The following ITGAX variants were observed in gnomAD, a reference collection of about 807,000 sequenced individuals.
ITGAX encodes the protein integrin alpha-X.
In ITGAX, 99 loss-of-function variants were observed where a neutral mutation model predicts 140.2. That is an observed-to-expected ratio of 0.71 (90% CI 0.60 to 0.83). ITGAX has a LOEUF of 0.83. ITGAX is among the 40% of genes least tolerant of loss of function. ITGAX has a pLI of 0.00. For missense variants in ITGAX, 1,444 were observed against 1,482.0 expected, an observed-to-expected ratio of 0.97 and a Z score of 0.42; for synonymous variants, 631 against 600.4, an observed-to-expected ratio of 1.05 and a Z score of -0.75.
chr16:31,359,764 C>T lies in ITGAX; in HGVS notation c.495C>T (p.Arg165=). 1.2e-6 allele frequency: 2 copies of T among 1,614,164 alleles called. No homozygotes were observed. Among genetic ancestry groups the T allele is most frequent in the South Asian group, 1.1e-5 (1 of 91,086 alleles). The change falls in exon 6 of 30, where the codon CGC becomes CGT. Residue 165 remains arginine (R), a synonymous_variant. Transcript: ENST00000268296. The part of the protein sequence containing the change: ...LIDGSGSISS[R]NFATMMNFVR... ...ATGGCTCAGGCAGCATCTCCTCCCG[C>T]AACTTTGCCACGATGATGAACTTCG...
chr16:31,380,738 G>T (rs1267953672), intron 28 of ITGAX, 114 bp downstream of exon 28: 1 of 1,391,332 alleles, frequency 7.2e-7, no homozygotes, highest in East Asian at 2.3e-5. Context: ...AAGGCCTCTG[G>T]GCAGGATAGC....
chr16:31,380,829 G>C, intron 28 of ITGAX, 68 bp from the exon 29 acceptor site: 1 of 1,433,546 alleles, frequency 7.0e-7, no homozygotes, highest in South Asian at 1.2e-5. Flanking sequence ...TTAAAGGTTG[G>C]GGAGCCTGGG....
rs1045649872 is a variant in ITGAX at position 31,361,782 on chromosome 16, A to G, written c.1013-54A>G. The stretch of plus-strand genomic sequence containing the variant: ...TCTCCTAAAGCTGAAGTGTTCTTGG[A>G]CCTGGCAAAGCCCGTCTCCCTCCCT... On this transcript the variant is annotated intron_variant, in intron 9 of 29. Coordinates refer to ENST00000268296, the MANE Select transcript of ITGAX (RefSeq NM_000887.5). The G allele has an allele frequency of 1.1e-5, 17 of 1,572,996 alleles. No homozygotes were observed. The African/African-American group carries it at 2.2e-4, about 20-fold the overall frequency.
At chr16:31,368,483 G>A (rs1238501097) in intron 14 of ITGAX, among the ~76,000 whole-genome samples, 3 of 110,590 alleles carry the variant, frequency 2.7e-5, no homozygotes, top group African/African-American at 1.0e-4. Flanking sequence ...GGGCGACAGA[G>A]TGAAAGTGTG....
At chr16:31,373,937 C>CT (rs1184028617) in intron 20 of ITGAX, among the ~76,000 whole-genome samples, 1 of 152,172 alleles carries the variant, frequency 6.6e-6, no homozygotes, top group Non-Finnish European at 1.5e-5. Flanking sequence ...CCAATCCCTG[C>CT]TTTAAAATGC....
intron 2 of ITGAX, 24 bp from the exon 3 acceptor site, chr16:31,356,601 A>C (rs1174253861): frequency 6.5e-7 from 1 of 1,548,764 alleles, no homozygotes; most frequent in Non-Finnish European, 8.8e-7. Flanking sequence ...ACTCTTACCT[A>C]AAGTGTTCTT....
At position 31,363,185 on chromosome 16, in the gene ITGAX, T is replaced by C. The variant is rs1315915800; in HGVS notation, c.1521T>C (p.Asp507=). ...LPRGWRRWWC[D]AVLYGEQGHP... ...TGCAGTGGAGAAGGTGGTGGTGTGATGCTGTTCTCTACGGGGAGCAGGGCC... is the reference window on the plus strand; with the variant it reads ...TGCAGTGGAGAAGGTGGTGGTGTGACGCTGTTCTCTACGGGGAGCAGGGCC... The change falls in exon 14 of 30, where the codon GAT becomes GAC. Residue 507 remains aspartate, a synonymous_variant. Coordinates refer to ENST00000268296, the MANE Select transcript of ITGAX (RefSeq NM_000887.5). 4 of 1,611,378 alleles carry C rather than the reference T, an allele frequency of 2.5e-6. No individual in the cohort carries two copies. Among genetic ancestry groups the C allele is most frequent in the South Asian group, 1.1e-5 (1 of 90,964 alleles).
At chr16:31,379,461 G>A in intron 23 of ITGAX, 107 bp from the exon 24 acceptor site, 1 of 1,101,990 alleles carries the variant, frequency 9.1e-7, no homozygotes, top group Non-Finnish European at 1.3e-6. Context: ...CCTCATTCCA[G>A]GACATTCCAA....
chr16:31,374,075 G>A (rs1017548073), intron 20 of ITGAX, among the ~76,000 whole-genome samples: 7 of 152,128 alleles, frequency 4.6e-5, no homozygotes, highest in Admixed American at 6.5e-5. Flanking sequence ...GATCACCGGA[G>A]GTCAGGAGTT....
At position 31,373,371 on chromosome 16, in the gene ITGAX, G is replaced by T. The variant is rs200320669; in HGVS notation, c.2489G>T (p.Arg830Leu). Reference protein sequence around the residue: ...TFSHPAGLSYRYVAEGQKQGQ... With the variant: ...TFSHPAGLSYLYVAEGQKQGQ... ...TCCCACCCCGCAGGACTGTCCTACC[G>T]CTACGTGGCAGAGGGCCAGGTGCAC... Residue 830 changes from arginine (R) to leucine (L), a missense_variant, in exon 20 of 30, where the codon CGC (arginine) becomes CTC (leucine). Arg to Leu is a moderately radical substitution (Grantham distance 102). Coordinates refer to ENST00000268296, the MANE Select transcript of ITGAX (RefSeq NM_000887.5). 1.9e-6 allele frequency: 3 copies of T among 1,612,028 alleles called. No individual in the cohort carries two copies. The highest frequency in any genetic ancestry group is 2.5e-6 in the Non-Finnish European group (3 of 1,179,392).
rs1328708862 is a variant in ITGAX, at chr16:31,372,525, G to C, written c.2292+16G>C. On this transcript the variant is annotated intron_variant, in intron 18 of 29. Transcript: ENST00000268296. Reference sequence around the variant, plus strand: ...CACGGCCTCCGTGAGTCCTGGCACTGGGTCTCCCAGAGAGGGTGCACAGCG... The same window carrying C: ...CACGGCCTCCGTGAGTCCTGGCACTCGGTCTCCCAGAGAGGGTGCACAGCG... 2 of 1,611,370 alleles carry C rather than the reference G, an allele frequency of 1.2e-6. No individual in the cohort carries two copies. The highest frequency in any genetic ancestry group is 2.7e-5 in the African/African-American group (2 of 74,710).
intron 19 of ITGAX, among the ~76,000 whole-genome samples, chr16:31,373,022 G>T (rs947694779): frequency 6.6e-6 from 1 of 152,120 alleles, no homozygotes; most frequent in African/African-American, 2.4e-5. Flanking sequence ...GAGCTCTGGA[G>T]TTGGAGGCTG....
Position 31,361,187 on chromosome 16 carries a change from T to A in ITGAX, c.986T>A (p.Leu329Gln), listed in dbSNP as rs767778307. ...FDALKDIQNQLKEKIFAIEGT... is the reference protein window; with the variant it reads ...FDALKDIQNQQKEKIFAIEGT... ...GCTCTGAAAGATATTCAAAACCAAC[T>A]GAAGGAGAAGATCTTTGCCATTGAG... Residue 329 changes from leucine to glutamine, a missense_variant, in exon 9 of 30, where the codon CTG (leucine) becomes CAG (glutamine). Coordinates refer to ENST00000268296, the MANE Select transcript of ITGAX (RefSeq NM_000887.5). 1 of 1,613,074 alleles carries A rather than the reference T, an allele frequency of 6.2e-7. No individual in the cohort carries two copies. Among genetic ancestry groups the A allele is most frequent in the Admixed American group, 1.7e-5 (1 of 59,846 alleles).
intron 3 of ITGAX, 57 bp downstream of exon 3, chr16:31,356,785 G>T: frequency 7.8e-7 from 1 of 1,285,866 alleles, no homozygotes. Context: ...CCCTGCTCCA[G>T]GGGCCCGTGG....
At chr16:31,357,892 CATGT>C (rs1402323008) in intron 5 of ITGAX, 2 of 230,610 alleles carry the variant, frequency 8.7e-6, no homozygotes, top group African/African-American at 2.3e-5. Context: ...CATGTGTGTG[CATGT>C]ATGTGTGTGT....
intron 14 of ITGAX, among the ~76,000 whole-genome samples, chr16:31,369,339 T>G (rs28600263): frequency 0.063 from 6,460 of 101,846 alleles, 477 homozygotes; most frequent in African/African-American, 0.2. Context: ...GGGCAGAGGG[T>G]CTCCTCACTT....
chr16:31,379,278 G>T (rs1261178902), intron 23 of ITGAX, among the ~76,000 whole-genome samples: 1 of 151,902 alleles, frequency 6.6e-6, no homozygotes, highest in Non-Finnish European at 1.5e-5. Flanking sequence ...CATCATGCCT[G>T]GCTAATTTTT....
At position 31,361,745 on chromosome 16, in the gene ITGAX, C is replaced by T. The variant is rs1428036888; in HGVS notation, c.1013-91C>T. 2.2e-6 allele frequency: 3 copies of T among 1,339,218 alleles called. No homozygotes were observed. The African/African-American group carries it at 4.3e-5, about 19-fold the overall frequency. The allele number at this position is 1,339,218 out of a possible 1,614,324, so 83.0% of individuals were successfully genotyped here. A position where few individuals can be genotyped will look rare whatever the true frequency, so the allele number is the denominator to read the frequency against. ...CAGGCACCAGCTCTCCCTGTAGCCT[C>T]CAGTCTTAGCTTCTCCTAAAGCTGA... On this transcript the variant is annotated intron_variant, in intron 9 of 29. Transcript: ENST00000268296.
intron 7 of ITGAX, 103 bp downstream of exon 7, chr16:31,360,168 C>A: frequency 6.6e-7 from 1 of 1,525,428 alleles, no homozygotes; most frequent in Non-Finnish European, 8.9e-7. Flanking sequence ...CAAAATCCAG[C>A]CCGTGATACC....
Sources: allele counts gnomAD v4.1 joint callset (sites outside exome capture counted in the v4.1 genomes callset), GRCh38; gene constraint gnomAD v4.1.1; transcripts MANE v1.5; gene names NCBI Gene and HGNC (gene_info 2026-07-23, HGNC 2026-07-21).